Variants in EVL observed in about 807,000 individuals in gnomAD.
EVL encodes the protein Enah/Vasp-like.
In EVL, 21 loss-of-function variants were observed where a neutral mutation model predicts 59.6. That is an observed-to-expected ratio of 0.35 (90% CI 0.25 to 0.51). EVL has a LOEUF of 0.51. Ranked by LOEUF, EVL falls within the 20% of genes least tolerant of loss-of-function variation. EVL has a pLI of 0.97. For synonymous variants in EVL, 198 were observed against 203.5 expected (o/e 0.97, Z 0.23); for missense variants, 462 against 546.6 (o/e 0.85, Z 1.54).
intron 8 of EVL, among the ~76,000 whole-genome samples, chr14:100,133,789 T>C (rs1191442025): frequency 6.6e-6 from 1 of 151,898 alleles, no homozygotes; most frequent in Non-Finnish European, 1.5e-5. Context: ...AATACAAAAT[T>C]AGCGGGGCAT....
intron 9 of EVL, 95 bp from the exon 10 acceptor site, chr14:100,137,483 T>G: frequency 1.3e-5 from 17 of 1,310,082 alleles, no homozygotes; most frequent in Non-Finnish European, 1.9e-5. Context: ...ACCCTTGGCA[T>G]GGGTGAGGGC....
chr14:100,062,775 G>A (rs1035907010), upstream of EVL, among the ~76,000 whole-genome samples: 10 of 152,270 alleles, frequency 6.6e-5, no homozygotes, highest in South Asian at 2.1e-4. Context: ...TCACCCCGCC[G>A]TAATCCCTAG....
intron 3 of EVL, among the ~76,000 whole-genome samples, chr14:100,121,864 G>A (rs940615445): frequency 6.6e-5 from 10 of 152,218 alleles, no homozygotes; most frequent in Non-Finnish European, 1.2e-4. Flanking sequence ...GAGCCCAAGC[G>A]TGGAAAGGCC....
At chr14:100,095,007 C>T (rs1448895085) in intron 2 of EVL, among the ~76,000 whole-genome samples, 7 of 152,176 alleles carry the variant, frequency 4.6e-5, no homozygotes, top group Non-Finnish European at 1.0e-4. Context: ...CACCACTGCA[C>T]TCCAGCCTGG....
rs563451637 is a variant in EVL, at chr14:99,971,988, CCCGCCG to C, written c.-46_-41del. 99 of 148,158 alleles carry C rather than the reference CCCGCCG, an allele frequency of 6.7e-4. 1 individual carries two copies. Among genetic ancestry groups the C allele is most frequent in the East Asian group, 4.7e-3 (23 of 4,928 alleles). The allele number at this position is 148,158 out of a possible 1,614,324, so 9.2% of individuals were successfully genotyped here. On this transcript the variant is annotated 5_prime_UTR_variant, in exon 1 of 14. Coordinates refer to the EVL transcript ENST00000402714. ...CCCCGCTAGCGCCCGCGTCCCGCGC[CCCGCCG>C]CCGCCGCCGCCGCCGCCGGGTCGCC... is the stretch of plus-strand genomic sequence containing the variant.
rs115828473 is a variant in EVL at position 100,104,107 on chromosome 14, C to T, written c.358+6449C>T. Among the ~76,000 whole-genome samples the T allele has an allele frequency of 1.9e-3, 288 of 152,332 alleles. 3 individuals are homozygous for T. Among genetic ancestry groups the T allele is most frequent in the African/African-American group, 6.3e-3 (260 of 41,568 alleles). ...TTAGAGTGCTCAGGACAGTTCCTAA[C>T]ACCAAGTAAGTGTTTGGTAAATAGT... On this transcript the variant is annotated intron_variant, in intron 3 of 13. Coordinates refer to ENST00000392920, the MANE Select transcript of EVL (RefSeq NM_016337.3).
intron 7 of EVL, 32 bp from the exon 8 acceptor site, chr14:100,132,687 C>G (rs779033349): frequency 1.2e-6 from 2 of 1,610,862 alleles, no homozygotes; most frequent in South Asian, 2.2e-5. Context: ...ACGTGAGGAG[C>G]TGATCTGTAT....
intron 1 of EVL, among the ~76,000 whole-genome samples, chr14:99,992,816 T>G (rs1217816610): frequency 6.6e-6 from 1 of 152,212 alleles, no homozygotes; most frequent in Non-Finnish European, 1.5e-5. Flanking sequence ...GAGTATGATG[T>G]TAACTGTGAG....
intron 8 of EVL, 168 bp from the exon 9 acceptor site, chr14:100,135,737 T>G: frequency 7.0e-5 from 43 of 617,578 alleles, no homozygotes; most frequent in Non-Finnish European, 8.8e-5. Flanking sequence ...CTCTCCCCAC[T>G]GAGATTTTGC....
At chr14:100,043,996 C>T (rs1221074159) in intron 1 of EVL, among the ~76,000 whole-genome samples, 2 of 152,124 alleles carry the variant, frequency 1.3e-5, no homozygotes, top group South Asian at 2.1e-4. Flanking sequence ...ACGATAGACC[C>T]GCCCACATTG....
chr14:100,029,417 C>T (rs2061272777), intron 1 of EVL, among the ~76,000 whole-genome samples: 1 of 152,192 alleles, frequency 6.6e-6, no homozygotes, highest in Admixed American at 6.5e-5. Context: ...ACTTCCAGAA[C>T]ATCTACTCAA....
intron 3 of EVL, among the ~76,000 whole-genome samples, chr14:100,122,181 A>G (rs4900454): frequency 6.6e-6 from 1 of 152,178 alleles, no homozygotes; most frequent in Admixed American, 6.5e-5. Flanking sequence ...CTTGCACACC[A>G]TCCAAGGGCA....
chr14:100,070,704 T>C (rs1229879083), intron 1 of EVL, among the ~76,000 whole-genome samples: 1 of 152,058 alleles, frequency 6.6e-6, no homozygotes, highest in Non-Finnish European at 1.5e-5. Flanking sequence ...AGAGCCGGGG[T>C]CTTCATTCCC....
At chr14:100,132,895 A>G (rs1888527672) in intron 8 of EVL, 116 bp downstream of exon 8, 2 of 1,164,136 alleles carry the variant, frequency 1.7e-6, no homozygotes, top group Admixed American at 1.9e-5. Context: ...GCGCTTCATC[A>G]GGTGATTCAC....
At position 99,972,036 on chromosome 14, in the gene EVL, C is replaced by G. The variant is rs577064116; in HGVS notation, c.-17C>G. 16 of 241,758 alleles carry G rather than the reference C, an allele frequency of 6.6e-5. No homozygotes were observed. The highest frequency in any genetic ancestry group is 1.2e-3 in the Middle Eastern group (1 of 806). The allele number at this position is 241,758 out of a possible 1,614,324, so 15.0% of individuals were successfully genotyped here. A position where few individuals can be genotyped will look rare whatever the true frequency, so the allele number is the denominator to read the frequency against. On this transcript the variant is annotated 5_prime_UTR_variant, in exon 1 of 14. Transcript: ENST00000402714. This position sits in a 1 kb window ranked among gnomAD's most constrained non-coding sequence, Gnocchi z 4.4. Reference sequence around the variant, plus strand: ...CGGGTCGCCCCTGGCCCGGCGCGCCCGTCCCCGGCAGCGACAATGAGGTGA... The same window carrying G: ...CGGGTCGCCCCTGGCCCGGCGCGCCGGTCCCCGGCAGCGACAATGAGGTGA...
intron 1 of EVL, among the ~76,000 whole-genome samples, chr14:100,038,771 G>GGGGGGTGTGT (rs375810603): frequency 1.4e-5 from 2 of 141,006 alleles, no homozygotes; most frequent in African/African-American, 5.2e-5. Context: ...TGTGCCCTGG[G>GGGGGGTGTGT]GTGTGTGTGT....
intron 1 of EVL, among the ~76,000 whole-genome samples, chr14:99,998,676 A>AT (rs796902314): frequency 2.6e-5 from 4 of 152,030 alleles, no homozygotes; most frequent in South Asian, 2.1e-4. Flanking sequence ...ATGATTCCAA[A>AT]TTTTTTTTAT....
intron 3 of EVL, among the ~76,000 whole-genome samples, chr14:100,112,213 C>T (rs1381018757): frequency 6.6e-6 from 1 of 152,202 alleles, no homozygotes; most frequent in Non-Finnish European, 1.5e-5. Flanking sequence ...AACTGCTGAA[C>T]TTGAGATACA....
intron 13 of EVL, 90 bp downstream of exon 13, chr14:100,141,883 A>AGCTGGAGCCCATACTGC: frequency 8.3e-7 from 1 of 1,205,546 alleles, no homozygotes; most frequent in Non-Finnish European, 1.2e-6. Flanking sequence ...TCCAGTTTTG[A>AGCTGGAGCCCATACTGC]GCTGGAGCCC....
Sources: gnomAD v4.1 joint callset for allele counts (sites outside exome capture counted in the v4.1 genomes callset) on GRCh38, gnomAD v4.1.1 for gene constraint, Gnocchi (gnomAD v3.1) non-coding constraint, MANE v1.5 for transcripts, NCBI Gene and HGNC (gene_info 2026-07-23, HGNC 2026-07-21) for gene names.